The following LIFR variants were observed in gnomAD, a reference collection of about 807,000 sequenced individuals.
The protein encoded by LIFR is leukemia inhibitory factor receptor.
A neutral mutation model predicts 122.2 loss-of-function variants in LIFR; 84 were observed. The observed-to-expected ratio is 0.69, with a 90% CI of 0.58 to 0.82. The LOEUF is 0.82. Ranked by LOEUF, LIFR falls within the 40% of genes least tolerant of loss-of-function variation. LIFR has a pLI of 0.00. For synonymous variants in LIFR, 422 were observed against 434.7 expected (o/e 0.97, Z 0.36); for missense variants, 1,294 against 1,311.6 (o/e 0.99, Z 0.21).
intron 5 of LIFR, among the ~76,000 whole-genome samples, chr5:38,512,802 T>C (rs1000555820): frequency 2.6e-5 from 4 of 152,186 alleles, no homozygotes; most frequent in African/African-American, 9.7e-5. Flanking sequence ...TGTATACCAC[T>C]GCCTAATGAT....
At chr5:38,589,944 C>T (rs1749870177) in intron 1 of LIFR, among the ~76,000 whole-genome samples, 1 of 152,120 alleles carries the variant, frequency 6.6e-6, no homozygotes, top group South Asian at 2.1e-4. Context: ...GGAACCAAAC[C>T]ATCTATGTAG....
intron 1 of LIFR, among the ~76,000 whole-genome samples, chr5:38,581,379 G>A (rs143183788): frequency 1.4e-3 from 219 of 152,202 alleles, no homozygotes; most frequent in Non-Finnish European, 2.5e-3. Context: ...CTCTAAACGC[G>A]GAGTCTACAC....
intron 1 of LIFR, among the ~76,000 whole-genome samples, chr5:38,549,012 A>G (rs533939016): frequency 6.6e-6 from 1 of 152,158 alleles, no homozygotes; most frequent in Non-Finnish European, 1.5e-5. Flanking sequence ...GGATATTATT[A>G]TCCCCATTTC....
At position 38,489,151 on chromosome 5, in the gene LIFR, G is replaced by A. The variant is rs886060630; in HGVS notation, c.2262C>T (p.Gly754=). 3 of 1,612,112 alleles carry A rather than the reference G, an allele frequency of 1.9e-6. No homozygotes were observed. In the Admixed American group the frequency reaches 5.0e-5, roughly 27 times the overall value. The change falls in exon 16 of 20, where the codon GGC becomes GGT. Residue 754 remains glycine (G), a synonymous_variant. Coordinates refer to ENST00000453190, the MANE Select transcript of LIFR (RefSeq NM_001127671.2). ...AGTAAAACAAATATCCTCTTAAAAA[G>A]CCTCTAAGTTCTTCCACAGGAATGT... ...WEDIPVEELR[G]FLRGYLFYFG... is the part of the protein sequence containing the mutation.
chr5:38,537,854 T>C lies in LIFR; in HGVS notation c.-19-7188A>G, dbSNP rs568748725. ...ATTGCTAAGAAAAAAAATCTTAATA[T>C]GCATATTAACTCTGTTACATACATA... On this transcript the variant is annotated intron_variant, in intron 1 of 19. Coordinates refer to ENST00000453190, the MANE Select transcript of LIFR (RefSeq NM_001127671.2). Among the ~76,000 whole-genome samples the C allele has an allele frequency of 2.6e-5, 4 of 152,360 alleles. No homozygotes were observed. The East Asian group carries it at 7.7e-4, about 29-fold the overall frequency.
intron 10 of LIFR, 72 bp from the exon 11 acceptor site, chr5:38,502,871 A>G (rs1745266074): frequency 1.2e-6 from 1 of 839,090 alleles, no homozygotes; most frequent in Non-Finnish European, 1.7e-6. Context: ...ATACATACAC[A>G]TACATACACT....
intron 5 of LIFR, among the ~76,000 whole-genome samples, chr5:38,520,006 C>G (rs770788204): frequency 2.6e-5 from 4 of 152,128 alleles, no homozygotes; most frequent in Non-Finnish European, 4.4e-5. Flanking sequence ...CTGCTGGATC[C>G]TATAGGAGTT....
chr5:38,514,211 T>TA (rs879786953), intron 5 of LIFR, among the ~76,000 whole-genome samples: 33 of 151,208 alleles, frequency 2.2e-4, no homozygotes, highest in Non-Finnish European at 3.8e-4. Context: ...ACAGAAGTTC[T>TA]CAAAAAAAAG....
intron 11 of LIFR, among the ~76,000 whole-genome samples, chr5:38,500,346 C>G (rs1008613062): frequency 6.6e-6 from 1 of 152,170 alleles, no homozygotes; most frequent in Admixed American, 6.5e-5. Context: ...TGCTTGGGAG[C>G]AAAAGTGTTT....
At chr5:38,561,444 C>T (rs1197749630), upstream of LIFR, among the ~76,000 whole-genome samples, 1 of 152,136 alleles carries the variant, frequency 6.6e-6, no homozygotes, top group Non-Finnish European at 1.5e-5. Context: ...AAAGTACCTA[C>T]CTCGTAGGGT....
At chr5:38,545,428 A>T (rs1428907338) in intron 1 of LIFR, among the ~76,000 whole-genome samples, 1 of 152,150 alleles carries the variant, frequency 6.6e-6, no homozygotes, top group Non-Finnish European at 1.5e-5. Context: ...ATATGTAACA[A>T]TGTTGCCTGG....
chr5:38,581,940 T>G (rs781448958), intron 1 of LIFR, among the ~76,000 whole-genome samples: 4 of 152,234 alleles, frequency 2.6e-5, no homozygotes, highest in Non-Finnish European at 5.9e-5. Flanking sequence ...TATCACTTCC[T>G]TTGTGAAGCG....
chr5:38,497,382 A>C (rs1744939355), intron 12 of LIFR, among the ~76,000 whole-genome samples: 1 of 152,246 alleles, frequency 6.6e-6, no homozygotes, highest in Non-Finnish European at 1.5e-5. Context: ...CTGAAGAAAA[A>C]CTATACTTGC....
intron 1 of LIFR, among the ~76,000 whole-genome samples, chr5:38,545,478 T>C (rs1455377586): frequency 1.3e-5 from 2 of 152,164 alleles, no homozygotes; most frequent in Non-Finnish European, 2.9e-5. Flanking sequence ...TTTTTTTGTA[T>C]TTTTACTTAT....
intron 17 of LIFR, among the ~76,000 whole-genome samples, chr5:38,485,392 C>T (rs1449368685): frequency 1.3e-5 from 2 of 152,140 alleles, no homozygotes; most frequent in African/African-American, 2.4e-5. Context: ...TTCTTTACCG[C>T]AGAAAGATAG....
At chr5:38,554,913 T>G (rs1335947029) in intron 1 of LIFR, 1 of 152,226 alleles carries the variant, frequency 6.6e-6, no homozygotes, top group Non-Finnish European at 1.5e-5. Context: ...ACAAAAGTTT[T>G]GCTCCTTCAA....
At chr5:38,506,271 C>G (rs899217339) in intron 8 of LIFR, among the ~76,000 whole-genome samples, 197 bp from the exon 9 acceptor site, 3 of 152,080 alleles carry the variant, frequency 2.0e-5, no homozygotes, top group East Asian at 1.9e-4. Flanking sequence ...TACCGAGAAA[C>G]AGTCTCTGTT....
chr5:38,483,159 G>A (rs1366007063), intron 18 of LIFR, among the ~76,000 whole-genome samples: 1 of 150,396 alleles, frequency 6.6e-6, no homozygotes. Flanking sequence ...AAAAGTGATA[G>A]CCACGTGTCA....
At chr5:38,489,392 C>T in intron 15 of LIFR, 147 bp from the exon 16 acceptor site, 2 of 732,490 alleles carry the variant, frequency 2.7e-6, no homozygotes. Context: ...GAGATGATCA[C>T]AAACGCTTTT....
Sources: gnomAD v4.1 joint callset for allele counts (sites outside exome capture counted in the v4.1 genomes callset) on GRCh38, gnomAD v4.1.1 for gene constraint, MANE v1.5 for transcripts, NCBI Gene and HGNC (gene_info 2026-07-23, HGNC 2026-07-21) for gene names.